SHANK2: variants seen among roughly 807,000 people sequenced by gnomAD.
SHANK2 encodes the protein SH3 and multiple ankyrin repeat domains protein 2.
Under a neutral mutation model 133.7 loss-of-function variants are expected in SHANK2, and 43 were observed. That is an observed-to-expected ratio of 0.32 (90% CI 0.25 to 0.41). The LOEUF (loss-of-function observed/expected upper bound fraction) is 0.41, where lower values mean the gene tolerates loss of function less well. Ranked by LOEUF, SHANK2 falls within the 10% of genes least tolerant of loss-of-function variation. SHANK2 has a pLI of 1.00. For synonymous variants in SHANK2, 1,017 were observed against 952.8 expected, an observed-to-expected ratio of 1.07 and a Z score of -1.24; for missense variants, 1,994 against 2,235.8, an observed-to-expected ratio of 0.89 and a Z score of 2.18.
intron 17 of SHANK2, among the ~76,000 whole-genome samples, chr11:70,615,588 T>C (rs925350015): frequency 6.6e-6 from 1 of 152,158 alleles, no homozygotes; most frequent in Non-Finnish European, 1.5e-5. Context: ...TCCTGAGCCT[T>C]ACAGGCTGGC....
intron 9 of SHANK2, among the ~76,000 whole-genome samples, chr11:71,063,595 G>A (rs1951013396): frequency 6.6e-6 from 1 of 152,228 alleles, no homozygotes; most frequent in Admixed American, 6.5e-5. Flanking sequence ...GCTTCAGAAA[G>A]GAGGAGAAAG....
At chr11:70,885,901 T>C (rs1949734561) in intron 11 of SHANK2, among the ~76,000 whole-genome samples, 1 of 152,106 alleles carries the variant, frequency 6.6e-6, no homozygotes, top group Non-Finnish European at 1.5e-5. Context: ...GCCAGTCAAC[T>C]CCGCTTTACA....
At chr11:70,811,146 G>T (rs936295271) in intron 12 of SHANK2, among the ~76,000 whole-genome samples, 4 of 152,156 alleles carry the variant, frequency 2.6e-5, no homozygotes, top group African/African-American at 9.7e-5. Context: ...GCTTCCTCCC[G>T]AGGGGAAAGG....
At chr11:71,190,070 T>A (rs1953761042) in intron 2 of SHANK2, among the ~76,000 whole-genome samples, 2 of 152,162 alleles carry the variant, frequency 1.3e-5, no homozygotes, top group African/African-American at 4.8e-5. Flanking sequence ...CATCCACACG[T>A]AGGTCGACCA....
chr11:70,889,884 G>A (rs2135621799), intron 11 of SHANK2, among the ~76,000 whole-genome samples: 1 of 152,296 alleles, frequency 6.6e-6, no homozygotes, highest in Non-Finnish European at 1.5e-5. Context: ...AGCAGAGGAG[G>A]CAGACGCAGC....
chr11:71,104,367 C>CA (rs1951770969), intron 6 of SHANK2, among the ~76,000 whole-genome samples: 1 of 152,188 alleles, frequency 6.6e-6, no homozygotes, highest in African/African-American at 2.4e-5. Context: ...CAGGGCCCCC[C>CA]CCATCCTGCA....
At chr11:71,090,566 G>C (rs149731944) in intron 8 of SHANK2, among the ~76,000 whole-genome samples, 4 of 44,472 alleles carry the variant, frequency 9.0e-5, no homozygotes, top group African/African-American at 2.1e-4. Context: ...GTGTGTGTGT[G>C]TCCTGCTGCT....
chr11:70,639,461 C>T (rs1167155009), intron 17 of SHANK2, among the ~76,000 whole-genome samples: 1 of 152,136 alleles, frequency 6.6e-6, no homozygotes, highest in African/African-American at 2.4e-5. Context: ...CACTACTCCT[C>T]CTCATGAGGG....
intron 11 of SHANK2, among the ~76,000 whole-genome samples, chr11:70,829,942 G>A (rs1022596479): frequency 1.1e-4 from 17 of 152,308 alleles, no homozygotes; most frequent in African/African-American, 2.9e-4. Context: ...TAGGCTCTCC[G>A]TGGATAATTC....
At chr11:70,542,222 T>C (rs1278303208) in intron 17 of SHANK2, among the ~76,000 whole-genome samples, 3 of 152,196 alleles carry the variant, frequency 2.0e-5, no homozygotes, top group Non-Finnish European at 4.4e-5. Flanking sequence ...TTTGTAGATA[T>C]AATTAAGTTA....
intron 11 of SHANK2, among the ~76,000 whole-genome samples, chr11:70,844,638 C>T (rs1202441628): frequency 6.6e-6 from 1 of 152,196 alleles, no homozygotes; most frequent in Non-Finnish European, 1.5e-5. Flanking sequence ...ACATGCTGTT[C>T]TTTTACATGA....
At chr11:70,544,042 AT>A (rs782487518) in intron 17 of SHANK2, among the ~76,000 whole-genome samples, 1 of 152,130 alleles carries the variant, frequency 6.6e-6, no homozygotes, top group African/African-American at 2.4e-5. Context: ...GTCCCCCCAA[AT>A]TTGGCCTCAA....
chr11:70,476,261 A>C (rs564424946), intron 25 of SHANK2, among the ~76,000 whole-genome samples: 27 of 152,200 alleles, frequency 1.8e-4, no homozygotes, highest in South Asian at 8.3e-4. Context: ...AAAAACCCCC[A>C]AAAAACCCGA....
chr11:71,165,585 G>T (rs530108839), intron 2 of SHANK2, among the ~76,000 whole-genome samples: 1 of 152,248 alleles, frequency 6.6e-6, no homozygotes, highest in South Asian at 2.1e-4. Flanking sequence ...TCTCTGCGAA[G>T]CCTGGTCAAA....
chr11:70,503,944 C>G (rs1554967820), intron 17 of SHANK2, among the ~76,000 whole-genome samples: 1 of 152,212 alleles, frequency 6.6e-6, no homozygotes, highest in African/African-American at 2.4e-5. Flanking sequence ...AGGCCCCGGC[C>G]TCACCCCTGC....
chr11:70,547,389 T>A (rs1554976604), intron 17 of SHANK2, among the ~76,000 whole-genome samples: 1 of 152,182 alleles, frequency 6.6e-6, no homozygotes, highest in Non-Finnish European at 1.5e-5. Flanking sequence ...GCCTTCTGAG[T>A]AGCTGGGATT....
intron 3 of SHANK2, among the ~76,000 whole-genome samples, chr11:71,135,188 T>C (rs7124599): frequency 0.01 from 1,535 of 152,200 alleles, 24 homozygotes; most frequent in African/African-American, 0.034. Context: ...TGTACAGCCA[T>C]TGGCGCCTCA....
intron 11 of SHANK2, among the ~76,000 whole-genome samples, chr11:70,841,442 G>C (rs570350093): frequency 6.6e-6 from 1 of 152,314 alleles, no homozygotes; most frequent in Non-Finnish European, 1.5e-5. Flanking sequence ...CCAAGGTTCA[G>C]AGCAGGTCAG....
chr11:70,686,169 T>C (rs1387081779), intron 15 of SHANK2, among the ~76,000 whole-genome samples: 4 of 147,606 alleles, frequency 2.7e-5, no homozygotes, highest in African/African-American at 1.0e-4. Flanking sequence ...CTTCCTTCCT[T>C]CCATCCATCC....
Sources: allele counts gnomAD v4.1 joint callset (sites outside exome capture counted in the v4.1 genomes callset), GRCh38; gene constraint gnomAD v4.1.1; transcripts MANE v1.5; gene names NCBI Gene and HGNC (gene_info 2026-07-23, HGNC 2026-07-21).